The following MGAM2 variants were observed in gnomAD, a reference collection of about 807,000 sequenced individuals.
The protein encoded by MGAM2 is probable maltase-glucoamylase 2.
A neutral mutation model predicts 96.1 loss-of-function variants in MGAM2; 98 were observed. The ratio of observed to expected loss-of-function variants is 1.02; its 90% CI spans 0.87 to 1.21. The LOEUF (loss-of-function observed/expected upper bound fraction) is 1.21, where lower values mean the gene tolerates loss of function less well. Ranked by LOEUF, MGAM2 falls within the 50% of genes most tolerant of loss-of-function variation. The probability of loss-of-function intolerance (pLI) is 0.00; values close to 1 mark genes in which losing one functional copy is unlikely to be tolerated. For synonymous variants in MGAM2, 749 were observed against 414.8 expected (o/e 1.81, Z -9.79); for missense variants, 2,055 against 1,182.4 (o/e 1.74, Z -10.82).
rs557914932 is a variant in MGAM2 at position 142,146,715 on chromosome 7, C to T, written c.1517-741C>T. Among the ~76,000 whole-genome samples, 11 of 151,062 alleles carry T rather than the reference C, an allele frequency of 7.3e-5. 1 individual carries two copies. In the South Asian group the frequency reaches 2.3e-3, roughly 32 times the overall value. ...TCAAACTGTCAAACTACCCAAATGT[C>T]CAAATGTCACATCTTATTTTTTTTT... is the stretch of plus-strand genomic sequence containing the variant. On this transcript the variant is annotated intron_variant, in intron 14 of 47. Transcript: ENST00000477922.
At chr7:142,150,522 A>T (rs112677470) in intron 15 of MGAM2, among the ~76,000 whole-genome samples, 14 of 151,860 alleles carry the variant, frequency 9.2e-5, no homozygotes, top group African/African-American at 3.1e-4. Context: ...CCTACCCTCT[A>T]CCCTTTCTAC....
At chr7:142,146,301 T>G (rs1795384808) in intron 14 of MGAM2, among the ~76,000 whole-genome samples, 1 of 151,824 alleles carries the variant, frequency 6.6e-6, no homozygotes, top group Non-Finnish European at 1.5e-5. Flanking sequence ...AGGCAGCCCC[T>G]CCCCTTTCCA....
rs945371610 is a variant in MGAM2 at position 142,220,959 on chromosome 7, A to G, written c.6448A>G (p.Thr2150Ala). Residue 2150 changes from threonine (T) to alanine (A), a missense_variant, in exon 48 of 48, where the codon ACT becomes GCT. Transcript: ENST00000477922. ...AAGTACTCCTGTTCAAACAAATACT[A>G]CTAATGCTAGCACTAGTACTAATGT... The part of the protein sequence containing the change: ...NISTPVQTNT[T>A]NASTSTNVAN... The G allele has an allele frequency of 7.1e-6, 5 of 701,820 alleles. No homozygotes were observed. The highest frequency in any genetic ancestry group is 5.2e-6 in the Non-Finnish European group (2 of 384,664). 43.5% of individuals were successfully genotyped at this position (701,820 alleles called of 1,614,324 possible).
chr7:142,200,056 C>A, intron 45 of MGAM2, 88 bp downstream of exon 45: 2 of 522,766 alleles, frequency 3.8e-6, no homozygotes, highest in Non-Finnish European at 6.8e-6. Flanking sequence ...GAACTGAAAA[C>A]CTCTCTCTGC....
intron 37 of MGAM2, among the ~76,000 whole-genome samples, chr7:142,189,948 C>T (rs888065759): frequency 5.9e-5 from 9 of 152,122 alleles, no homozygotes; most frequent in African/African-American, 1.7e-4. Context: ...TTTCACTTGG[C>T]ATAATGTTTT....
chr7:142,146,919 G>A (rs1187124156), intron 14 of MGAM2, among the ~76,000 whole-genome samples: 1 of 152,004 alleles, frequency 6.6e-6, no homozygotes, highest in East Asian at 1.9e-4. Context: ...GTAAAGACGG[G>A]GTTTCACCAT....
Position 142,220,395 on chromosome 7 carries a change from G to A in MGAM2, c.5884G>A (p.Ala1962Thr), listed in dbSNP as rs775168413. Residue 1962 changes from alanine (A) to threonine (T), a missense_variant, in exon 48 of 48, where the codon GCC (alanine) becomes ACC (threonine). Coordinates refer to ENST00000477922, the MANE Select transcript of MGAM2 (RefSeq NM_001293626.2). ...TAATGCTACTGTTCCCGATACAACTGCCCCTTTCCCAACAAATACTACTAC... is the reference window on the plus strand; with the variant it reads ...TAATGCTACTGTTCCCGATACAACTACCCCTTTCCCAACAAATACTACTAC... ...TTNATVPDTT[A>T]PFPTNTTTAS... 2 of 701,944 alleles carry A rather than the reference G, an allele frequency of 2.8e-6. No homozygotes were observed. Among genetic ancestry groups the A allele is most frequent in the Non-Finnish European group, 5.2e-6 (2 of 384,728 alleles). 43.5% of individuals were successfully genotyped at this position (701,944 alleles called of 1,614,324 possible).
At chr7:142,203,262 A>G (rs1797294153) in intron 45 of MGAM2, among the ~76,000 whole-genome samples, 1 of 152,168 alleles carries the variant, frequency 6.6e-6, no homozygotes, top group Non-Finnish European at 1.5e-5. Context: ...TTCACTGTGA[A>G]GAAGCTCTGT....
At chr7:142,114,141 AGAAAGAAAGAAG>A (rs1310218097) in intron 1 of MGAM2, among the ~76,000 whole-genome samples, 80 of 118,698 alleles carry the variant, frequency 6.7e-4, no homozygotes, top group Admixed American at 2.5e-3. Flanking sequence ...AAAAAAAGAA[AGAAAGAAAGAAG>A]GAAAGAAAGA....
chr7:142,184,994 TC>T (rs1796650681), intron 33 of MGAM2, 82 bp from the exon 34 acceptor site: 3 of 601,354 alleles, frequency 5.0e-6, no homozygotes, highest in Non-Finnish European at 9.1e-6. Context: ...GAGATGCCTG[TC>T]ATCAGAGTCT....
In MGAM2 at chr7:142,129,438, G is replaced by A. The variant is rs370130743; in HGVS notation, c.187-1510G>A. Among the ~76,000 whole-genome samples, 10 of 152,204 alleles carry A rather than the reference G, an allele frequency of 6.6e-5. No individual in the cohort carries two copies. In the East Asian group the frequency reaches 1.5e-3, roughly 24 times the overall value. On this transcript the variant is annotated intron_variant, in intron 3 of 47. Coordinates refer to ENST00000477922, the MANE Select transcript of MGAM2 (RefSeq NM_001293626.2). ...AGGCCATGAGATTTGAGAGGGGCCC[G>A]GTGCAGAATGACATGGTTTGACTCT...
At chr7:142,200,157 A>T (rs551529597) in intron 45 of MGAM2, among the ~76,000 whole-genome samples, 189 bp downstream of exon 45, 2 of 152,190 alleles carry the variant, frequency 1.3e-5, no homozygotes, top group Non-Finnish European at 2.9e-5. Flanking sequence ...GACTGGGTAC[A>T]GTCCCCAGCT....
At chr7:142,186,301 C>T (rs1413581679) in intron 35 of MGAM2, among the ~76,000 whole-genome samples, 178 bp downstream of exon 35, 2 of 151,990 alleles carry the variant, frequency 1.3e-5, no homozygotes, top group African/African-American at 4.8e-5. Flanking sequence ...TGCTGATCTG[C>T]CCAGGGACAT....
At chr7:142,131,180 C>A in intron 4 of MGAM2, 109 bp downstream of exon 4, 2 of 638,900 alleles carry the variant, frequency 3.1e-6, no homozygotes, top group East Asian at 2.7e-5. Flanking sequence ...TGGCTCACGT[C>A]TGTAATCCCA....
intron 32 of MGAM2, among the ~76,000 whole-genome samples, chr7:142,181,362 G>A (rs1563279958): frequency 6.6e-6 from 1 of 152,156 alleles, no homozygotes; most frequent in Non-Finnish European, 1.5e-5. Context: ...GGTTTCACAG[G>A]CACCCTTTTT....
intron 31 of MGAM2, among the ~76,000 whole-genome samples, chr7:142,174,477 T>A (rs1796299141): frequency 6.6e-6 from 1 of 152,106 alleles, no homozygotes; most frequent in South Asian, 2.1e-4. Context: ...GGCTTGACTG[T>A]TGGTGGTGCA....
At position 142,220,129 on chromosome 7, in the gene MGAM2, C is replaced by T; in HGVS notation, c.5618C>T (p.Thr1873Ile). The change falls in exon 48 of 48, where the codon ACT becomes ATT. Residue 1873 changes from threonine (T) to isoleucine (I), a missense_variant. Coordinates refer to ENST00000477922, the MANE Select transcript of MGAM2 (RefSeq NM_001293626.2). ...TTCCCAAGTACTACTAGTGTTACAA[C>T]TAATACTACTGTTCCTGATACAACT... Reference protein sequence around the residue: ...TSFPSTTSVTTNTTVPDTTSP... With the variant: ...TSFPSTTSVTINTTVPDTTSP... 1.4e-6 allele frequency: 1 copy of T among 702,872 alleles called. No individual in the cohort carries two copies. Among genetic ancestry groups the T allele is most frequent in the East Asian group, 2.7e-5 (1 of 37,270 alleles). 43.5% of individuals were successfully genotyped at this position (702,872 alleles called of 1,614,324 possible).
At chr7:142,140,127 T>C (rs941523301) in intron 10 of MGAM2, among the ~76,000 whole-genome samples, 10 of 152,068 alleles carry the variant, frequency 6.6e-5, no homozygotes, top group African/African-American at 2.4e-4. Flanking sequence ...AGGTGGCAGA[T>C]TGGGGAAAAA....
intron 46 of MGAM2, among the ~76,000 whole-genome samples, chr7:142,218,031 C>CCCAGACCA (rs1379468615): frequency 6.6e-6 from 1 of 152,062 alleles, no homozygotes; most frequent in African/African-American, 2.4e-5. Flanking sequence ...TTGCAGTGAG[C>CCCAGACCA]CCAGACCACG....
Sources: gnomAD v4.1 joint callset for allele counts (sites outside exome capture counted in the v4.1 genomes callset) on GRCh38, gnomAD v4.1.1 for gene constraint, MANE v1.5 for transcripts, NCBI Gene and HGNC (gene_info 2026-07-23, HGNC 2026-07-21) for gene names.